CELF1: variants seen among roughly 807,000 people sequenced by gnomAD.
The protein encoded by CELF1 is 50 kDa nuclear polyadenylated RNA-binding protein.
A neutral mutation model predicts 61.8 loss-of-function variants in CELF1; 10 were observed. The observed-to-expected ratio is 0.16, with a 90% CI of 0.10 to 0.27. CELF1 has a LOEUF of 0.27. CELF1 is among the 10% of genes least tolerant of loss of function. CELF1 has a pLI of 1.00. For missense variants in CELF1, 380 were observed against 639.1 expected, an observed-to-expected ratio of 0.59 and a Z score of 4.37; for synonymous variants, 236 against 225.1, an observed-to-expected ratio of 1.05 and a Z score of -0.43.
intron 14 of CELF1, among the ~76,000 whole-genome samples, chr11:47,472,669 C>T (rs1479202532): frequency 6.6e-6 from 1 of 152,150 alleles, no homozygotes; most frequent in South Asian, 2.1e-4. Flanking sequence ...ATCCTCTCAC[C>T]TCAGCCTCAA....
chr11:47,543,442 T>C (rs1280789841), intron 1 of CELF1, among the ~76,000 whole-genome samples: 2 of 152,030 alleles, frequency 1.3e-5, no homozygotes, highest in African/African-American at 4.8e-5. Context: ...ACTTTACAAA[T>C]CTGGAACTTA....
intron 9 of CELF1, among the ~76,000 whole-genome samples, chr11:47,480,394 T>C (rs908432722): frequency 1.3e-5 from 2 of 152,144 alleles, no homozygotes; most frequent in African/African-American, 2.4e-5. Context: ...GCCTTTTTCT[T>C]CTTAAACACC....
chr11:47,488,691 G>A (rs1180529739), intron 4 of CELF1, 146 bp downstream of exon 4: 2 of 556,322 alleles, frequency 3.6e-6, no homozygotes, highest in African/African-American at 3.9e-5. Context: ...ACAGACAGGA[G>A]TATTCTGGCA....
intron 1 of CELF1, among the ~76,000 whole-genome samples, chr11:47,542,401 A>G (rs2096832125): frequency 6.6e-6 from 1 of 152,066 alleles, no homozygotes; most frequent in African/African-American, 2.4e-5. Context: ...ACCCATGAAC[A>G]TATCTAAAAG....
chr11:47,504,975 T>C (rs1388970499), intron 1 of CELF1, among the ~76,000 whole-genome samples: 1 of 151,268 alleles, frequency 6.6e-6, no homozygotes, highest in Non-Finnish European at 1.5e-5. Context: ...ATTTAATAAT[T>C]TGTTGTGTAC....
At chr11:47,476,600 G>C (rs984160048) in intron 12 of CELF1, among the ~76,000 whole-genome samples, 1 of 152,048 alleles carries the variant, frequency 6.6e-6, no homozygotes, top group Non-Finnish European at 1.5e-5. Flanking sequence ...TAATTTTTTT[G>C]TATTTTTAGG....
At chr11:47,505,587 G>A (rs1363013095) in intron 1 of CELF1, among the ~76,000 whole-genome samples, 1 of 149,612 alleles carries the variant, frequency 6.7e-6, no homozygotes, top group Admixed American at 6.7e-5. Context: ...AGCTTGCAGT[G>A]AGCCGAGATC....
At chr11:47,546,686 C>G (rs947911585) in intron 1 of CELF1, among the ~76,000 whole-genome samples, 6 of 152,030 alleles carry the variant, frequency 3.9e-5, no homozygotes, top group Admixed American at 1.3e-4. Context: ...CTAAGAAAGC[C>G]ATTCATATAT....
intron 2 of CELF1, among the ~76,000 whole-genome samples, chr11:47,562,226 C>CAAAAAAA (rs745795043): frequency 1.2e-5 from 1 of 81,668 alleles, no homozygotes. Flanking sequence ...AACTCCATCT[C>CAAAAAAA]AAAAAAAAAA....
intron 2 of CELF1, among the ~76,000 whole-genome samples, chr11:47,558,473 C>T: frequency 8.1e-6 from 1 of 123,124 alleles, no homozygotes; most frequent in African/African-American, 3.3e-5. Flanking sequence ...ATGAAACCCT[C>T]ATATATATAT....
chr11:47,513,520 C>T (rs1032624044), intron 1 of CELF1: 1 of 151,518 alleles, frequency 6.6e-6, no homozygotes, highest in Non-Finnish European at 1.5e-5. Flanking sequence ...AGTGCAGTGG[C>T]GTGATCTCAG....
rs1168869603 is a variant in CELF1 at position 47,470,080 on chromosome 11, G to A, written c.*2150C>T. On this transcript the variant is annotated 3_prime_UTR_variant, in exon 15 of 15. Transcript: ENST00000687097. ...GCTGCAAACGGGCCACAGAAAGTCA[G>A]TAGTTTCAATCATACACAGCACCCT... 1 of 152,184 alleles carries A rather than the reference G, an allele frequency of 6.6e-6. No homozygotes were observed. The highest frequency in any genetic ancestry group is 1.5e-5 in the Non-Finnish European group (1 of 68,060). 9.4% of individuals were successfully genotyped at this position (152,184 alleles called of 1,614,324 possible).
chr11:47,485,996 C>T (rs1479500652), intron 6 of CELF1, among the ~76,000 whole-genome samples: 1 of 146,696 alleles, frequency 6.8e-6, no homozygotes, highest in Non-Finnish European at 1.5e-5. Flanking sequence ...CCCGTCTCTA[C>T]TAAAAATACA....
chr11:47,549,631 G>C (rs146238486), intron 1 of CELF1, among the ~76,000 whole-genome samples: 29 of 152,262 alleles, frequency 1.9e-4, no homozygotes, highest in Non-Finnish European at 3.1e-4. Context: ...CAAATTGGTA[G>C]AAACAGAAAT....
At chr11:47,494,408 G>A (rs1192329640) in intron 3 of CELF1, 1 of 984,154 alleles carries the variant, frequency 1.0e-6, no homozygotes, top group African/African-American at 1.7e-5. Context: ...CAGGACAAGA[G>A]GTTACTTCGT....
At chr11:47,522,511 T>C (rs764027797) in intron 1 of CELF1, among the ~76,000 whole-genome samples, 36 of 139,492 alleles carry the variant, frequency 2.6e-4, no homozygotes, top group Non-Finnish European at 4.3e-4. Flanking sequence ...CAGAGCAAGA[T>C]TCTGTCTAAA....
At chr11:47,554,878 G>C (rs1220149723), upstream of CELF1, among the ~76,000 whole-genome samples, 3 of 152,040 alleles carry the variant, frequency 2.0e-5, no homozygotes, top group Non-Finnish European at 2.9e-5. Context: ...TGGTCAGGCT[G>C]GTCTCAAACT....
At chr11:47,559,249 T>G (rs2097218574) in intron 2 of CELF1, among the ~76,000 whole-genome samples, 1 of 150,674 alleles carries the variant, frequency 6.6e-6, no homozygotes. Flanking sequence ...GCACGCAGAC[T>G]ACAGATGGGG....
rs1049698804 is a variant in CELF1, at chr11:47,468,948, C to T, written c.*3282G>A. On this transcript the variant is annotated 3_prime_UTR_variant, in exon 15 of 15. Coordinates refer to ENST00000687097, the MANE Select transcript of CELF1 (RefSeq NM_001376376.1). ...ACCCACTGAGTTACACAGAGCAATACATCCAAACAAAGAGAGAGAGAACAG... is the reference window on the plus strand; with the variant it reads ...ACCCACTGAGTTACACAGAGCAATATATCCAAACAAAGAGAGAGAGAACAG... 6.6e-6 allele frequency: 1 copy of T among 152,178 alleles called. No homozygotes were observed. The highest frequency in any genetic ancestry group is 2.4e-5 in the African/African-American group (1 of 41,410). The allele number at this position is 152,178 out of a possible 1,614,324, so 9.4% of individuals were successfully genotyped here.
Sources: gnomAD v4.1 joint callset for allele counts (sites outside exome capture counted in the v4.1 genomes callset) on GRCh38, gnomAD v4.1.1 for gene constraint, MANE v1.5 for transcripts, NCBI Gene and HGNC (gene_info 2026-07-23, HGNC 2026-07-21) for gene names.